Variants in ARMC9 observed in about 807,000 individuals in gnomAD.
ARMC9 encodes lisH domain-containing protein ARMC9.
In ARMC9, 94 loss-of-function variants were observed where a neutral mutation model predicts 107.0. The ratio of observed to expected loss-of-function variants is 0.88; its 90% CI spans 0.74 to 1.04. The LOEUF (loss-of-function observed/expected upper bound fraction) is 1.04. ARMC9 is among the 50% of genes least tolerant of loss of function. The pLI is 0.00. For synonymous variants in ARMC9, 380 were observed against 396.9 expected (o/e 0.96, Z 0.51); for missense variants, 942 against 1,030.1 (o/e 0.91, Z 1.17).
At chr2:231,224,570 G>C (rs1407046101) in intron 6 of ARMC9, among the ~76,000 whole-genome samples, 1 of 152,214 alleles carries the variant, frequency 6.6e-6, no homozygotes, top group Non-Finnish European at 1.5e-5. Context: ...CTTGATAACT[G>C]TTAGCTGTTG....
At chr2:231,337,384 G>A (rs1283277557) in intron 20 of ARMC9, among the ~76,000 whole-genome samples, 1 of 131,760 alleles carries the variant, frequency 7.6e-6, no homozygotes, top group Non-Finnish European at 1.5e-5. Context: ...TGCAGCCTCC[G>A]CCTCCCAGGT....
At chr2:231,246,166 G>C (rs922891347) in intron 9 of ARMC9, among the ~76,000 whole-genome samples, 7 of 152,138 alleles carry the variant, frequency 4.6e-5, no homozygotes, top group Admixed American at 2.0e-4. Flanking sequence ...AACAACTCCA[G>C]ATAAGGCCCC....
rs745539958 is a variant in ARMC9 at position 231,235,279 on chromosome 2, A to T, written c.678A>T (p.Thr226=). The change falls in exon 8 of 25, where the codon ACA becomes ACT. Residue 226 remains threonine, a synonymous_variant. Transcript: ENST00000611582. Reference sequence around the variant, plus strand: ...TTGAAGCTGAACGTAGGTCAGTGACATACCTCAAACGGTACAATAAGATCC... The same window carrying T: ...TTGAAGCTGAACGTAGGTCAGTGACTTACCTCAAACGGTACAATAAGATCC... The part of the protein sequence containing the change: ...QLVEAERRSV[T]YLKRYNKIQA... The T allele has an allele frequency of 6.8e-6, 11 of 1,614,212 alleles. No individual in the cohort carries two copies. Among genetic ancestry groups the T allele is most frequent in the African/African-American group, 1.3e-5 (1 of 75,080 alleles).
Position 231,358,234 on chromosome 2 carries a change from G to A in ARMC9, c.2131+2300G>A, listed in dbSNP as rs771416069. On this transcript the variant is annotated intron_variant, in intron 22 of 24. Transcript: ENST00000611582. This position sits in a 1 kb window ranked among gnomAD's most constrained non-coding sequence, Gnocchi z 4.5. ...GGACAGCAGGGAGTGGGCAGTGCTG[G>A]GCTGGGCATGGGCACCCCTGAGCCA... Among the ~76,000 whole-genome samples the A allele has an allele frequency of 5.5e-4, 83 of 152,148 alleles. No homozygotes were observed. The highest frequency in any genetic ancestry group is 1.1e-3 in the Non-Finnish European group (77 of 68,030).
chr2:231,288,350 G>A (rs1227883353), intron 17 of ARMC9, among the ~76,000 whole-genome samples: 6 of 152,126 alleles, frequency 3.9e-5, no homozygotes, highest in Non-Finnish European at 7.4e-5. Context: ...TGGGGGGCCT[G>A]TGAGTAATTT....
chr2:231,219,602 AG>A (rs1394877068), intron 5 of ARMC9, among the ~76,000 whole-genome samples: 1 of 152,122 alleles, frequency 6.6e-6, no homozygotes, highest in East Asian at 1.9e-4. Flanking sequence ...CAGTGTTTCT[AG>A]GGATAGATTT....
At chr2:231,311,826 C>G (rs996729760) in intron 19 of ARMC9, among the ~76,000 whole-genome samples, 7 of 151,086 alleles carry the variant, frequency 4.6e-5, no homozygotes, top group Non-Finnish European at 1.0e-4. Context: ...TGGTTCCTTT[C>G]CGCAGAGAAT....
intron 23 of ARMC9, among the ~76,000 whole-genome samples, chr2:231,369,409 C>G (rs1029711022): frequency 1.3e-5 from 2 of 152,052 alleles, no homozygotes; most frequent in African/African-American, 4.8e-5. Flanking sequence ...TCTCCTGTCT[C>G]AGCCTCCTGA....
At chr2:231,371,368 C>G (rs549567870) in intron 24 of ARMC9, 145 bp from the exon 25 acceptor site, 3 of 1,004,224 alleles carry the variant, frequency 3.0e-6, no homozygotes, top group African/African-American at 3.3e-5. Context: ...GCCCGCCAGT[C>G]GAGCCCAGGC....
chr2:231,337,288 A>ATTTTTTTTT (rs1364070944), intron 20 of ARMC9, among the ~76,000 whole-genome samples: 4 of 52,296 alleles, frequency 7.6e-5, no homozygotes, highest in Non-Finnish European at 1.1e-4. Flanking sequence ...ATATATATAT[A>ATTTTTTTTT]TATTTTTTTT....
intron 19 of ARMC9, among the ~76,000 whole-genome samples, chr2:231,320,378 T>A (rs537119688): frequency 2.6e-5 from 4 of 152,342 alleles, no homozygotes; most frequent in African/African-American, 9.6e-5. Context: ...TAAAACACTT[T>A]CTTGCTCCCC....
chr2:231,262,305 G>C lies in ARMC9; in HGVS notation c.1027-1G>C. 1 of 1,614,134 alleles carries C rather than the reference G, an allele frequency of 6.2e-7. No homozygotes were observed. The highest frequency in any genetic ancestry group is 1.1e-5 in the South Asian group (1 of 91,084). ...ACTACTTTTGTTTTTCTTTGCTCCA[G>C]CGCTTGACCACATCCCATCCTGGAG... On this transcript the variant is annotated splice_acceptor_variant, in intron 11 of 24. Transcript: ENST00000611582. LOFTEE classifies it high-confidence loss of function.
chr2:231,270,890 C>A, intron 12 of ARMC9, 92 bp from the exon 13 acceptor site: 1 of 1,018,162 alleles, frequency 9.8e-7, no homozygotes, highest in Non-Finnish European at 1.5e-6. Context: ...TAAATTCAGG[C>A]AGAGGAAGAG....
Position 231,282,091 on chromosome 2 carries a change from CATCCTT to C in ARMC9, c.1585_1590del (p.Ile529_Leu530del). On this transcript the variant is annotated inframe_deletion, in exon 17 of 25. Coordinates refer to ENST00000611582, the MANE Select transcript of ARMC9 (RefSeq NM_001352754.2). ...CGTATGTGAATGGAGCTCTGTACAG[CATCCTT>C]TCTGTTCCATCCATTCGTGAGGAAG... The C allele has an allele frequency of 1.9e-6, 3 of 1,614,144 alleles. No homozygotes were observed.
intron 10 of ARMC9, among the ~76,000 whole-genome samples, chr2:231,256,866 C>T (rs984235156): frequency 2.2e-4 from 33 of 152,126 alleles, no homozygotes; most frequent in African/African-American, 7.7e-4. Context: ...GCTCTTGTTG[C>T]CCAGGCTGGA....
At chr2:231,320,189 C>G (rs1430206271) in intron 19 of ARMC9, among the ~76,000 whole-genome samples, 1 of 152,100 alleles carries the variant, frequency 6.6e-6, no homozygotes, top group Non-Finnish European at 1.5e-5. Context: ...CTGTGTTTTC[C>G]ACAGTGCAGC....
chr2:231,216,882 T>TA, intron 5 of ARMC9, 89 bp downstream of exon 5: 1 of 1,405,766 alleles, frequency 7.1e-7, no homozygotes, highest in South Asian at 1.4e-5. Context: ...AATGATGCTT[T>TA]AAAAAAACTA....
intron 14 of ARMC9, among the ~76,000 whole-genome samples, chr2:231,275,469 A>G (rs927965300): frequency 2.6e-5 from 4 of 152,232 alleles, no homozygotes; most frequent in Admixed American, 1.3e-4. Context: ...TGGATTTTGT[A>G]AGATTCTACA....
At chr2:231,311,939 C>T (rs1003246686) in intron 19 of ARMC9, among the ~76,000 whole-genome samples, 4 of 152,074 alleles carry the variant, frequency 2.6e-5, no homozygotes, top group African/African-American at 9.7e-5. Flanking sequence ...ACACCACCCA[C>T]CCCCTCAAGT....
Sources: gnomAD v4.1 joint callset for allele counts (sites outside exome capture counted in the v4.1 genomes callset) on GRCh38, gnomAD v4.1.1 for gene constraint, Gnocchi (gnomAD v3.1) non-coding constraint, MANE v1.5 for transcripts, NCBI Gene and HGNC (gene_info 2026-07-23, HGNC 2026-07-21) for gene names.